FBXO42: variants seen among roughly 807,000 people sequenced by gnomAD.
FBXO42 encodes the protein F-box protein 42.
In FBXO42, 12 loss-of-function variants were observed where a neutral mutation model predicts 71.7. The ratio of observed to expected loss-of-function variants is 0.17; its 90% CI spans 0.11 to 0.27. FBXO42 has a LOEUF of 0.27. Ranked by LOEUF, FBXO42 falls within the 10% of genes least tolerant of loss-of-function variation. The pLI, the probability that FBXO42 is intolerant of heterozygous loss-of-function variation, is 1.00. For synonymous variants in FBXO42, 325 were observed against 327.5 expected (o/e 0.99, Z 0.08); for missense variants, 707 against 911.9 (o/e 0.78, Z 2.89).
At chr1:16,264,734 C>T (rs916877046) in intron 4 of FBXO42, among the ~76,000 whole-genome samples, 1 of 152,166 alleles carries the variant, frequency 6.6e-6, no homozygotes, top group African/African-American at 2.4e-5. Context: ...AGGCACAAGC[C>T]CAAAAGGCAG....
At chr1:16,334,974 C>A (rs1192091593) in intron 1 of FBXO42, among the ~76,000 whole-genome samples, 2 of 145,730 alleles carry the variant, frequency 1.4e-5, no homozygotes, top group East Asian at 2.1e-4. Context: ...CACCCGTAAT[C>A]CCAGCACTGT....
intron 1 of FBXO42, among the ~76,000 whole-genome samples, chr1:16,323,201 A>G (rs554350435): frequency 2.0e-5 from 3 of 148,514 alleles, no homozygotes; most frequent in South Asian, 2.2e-4. Context: ...GAGGAATCAC[A>G]AGGTCAGGAG....
chr1:16,287,485 C>A (rs2082034270), intron 4 of FBXO42, among the ~76,000 whole-genome samples: 1 of 152,184 alleles, frequency 6.6e-6, no homozygotes, highest in African/African-American at 2.4e-5. Context: ...TCATGTGTCC[C>A]TGGCATATAG....
intron 1 of FBXO42, among the ~76,000 whole-genome samples, chr1:16,323,661 G>A (rs1169277730): frequency 6.6e-6 from 1 of 151,614 alleles, no homozygotes; most frequent in Admixed American, 6.6e-5. Flanking sequence ...GTGGTGGTGT[G>A]CACCTGTAAT....
chr1:16,315,029 A>G, intron 2 of FBXO42, 140 bp downstream of exon 2: 1 of 868,688 alleles, frequency 1.2e-6, no homozygotes, highest in Non-Finnish European at 1.7e-6. Flanking sequence ...AGGGTAAGAA[A>G]GAAAACCGGG....
chr1:16,263,590 G>A (rs1018846204), intron 4 of FBXO42, among the ~76,000 whole-genome samples: 1 of 151,540 alleles, frequency 6.6e-6, no homozygotes, highest in Non-Finnish European at 1.5e-5. Flanking sequence ...CGGCATGGTG[G>A]TGCACACCTG....
intron 1 of FBXO42, among the ~76,000 whole-genome samples, chr1:16,350,742 G>GC (rs2082692401): frequency 3.8e-4 from 1 of 2,642 alleles, no homozygotes; most frequent in Non-Finnish European, 1.1e-3. Context: ...GTGAGAAACT[G>GC]CAAAAAAAAA....
intron 4 of FBXO42, 122 bp from the exon 5 acceptor site, chr1:16,256,881 T>C (rs1391966335): frequency 3.1e-6 from 3 of 964,186 alleles, no homozygotes; most frequent in Non-Finnish European, 4.5e-6. Context: ...CTACAAAGTG[T>C]AGAGGAAAGG....
chr1:16,318,413 G>A (rs778722720), intron 1 of FBXO42, among the ~76,000 whole-genome samples: 19 of 144,760 alleles, frequency 1.3e-4, no homozygotes, highest in Middle Eastern at 3.2e-3. Flanking sequence ...GCAAGACTCC[G>A]TCTTAAATAA....
Position 16,252,344 on chromosome 1 carries a change from T to C in FBXO42, c.982A>G (p.Lys328Glu), listed in dbSNP as rs1220404567. 3 of 1,614,054 alleles carry C rather than the reference T, an allele frequency of 1.9e-6. No individual in the cohort carries two copies. The highest frequency in any genetic ancestry group is 2.5e-6 in the Non-Finnish European group (3 of 1,180,054). Reference protein sequence around the residue: ...HSGPWAWQPLKVENEEHGAPE... With the variant: ...HSGPWAWQPLEVENEEHGAPE... Reference sequence around the variant, plus strand: ...GCCCCATGCTCTTCATTTTCTACCTTGAGTGGCTGCCAGGCCCAAGGACCA... The same window carrying C: ...GCCCCATGCTCTTCATTTTCTACCTCGAGTGGCTGCCAGGCCCAAGGACCA... Residue 328 changes from lysine (K) to glutamate (E), a missense_variant, in exon 9 of 10, where the codon AAG becomes GAG. Lys to Glu is a moderately conservative substitution (Grantham distance 56, BLOSUM62 1). Coordinates refer to ENST00000375592, the MANE Select transcript of FBXO42 (RefSeq NM_018994.3). The surrounding 1 kb of genome is among the most constrained non-coding windows in gnomAD (Gnocchi z 4.4).
Position 16,341,928 on chromosome 1 carries a change from G to A in FBXO42, c.-18+10327C>T, listed in dbSNP as rs188353462. ...GGAGGTCGCGATGAGCCAAGATCGC[G>A]TCATTGTACTCAAGCCTGGGCAACA... On this transcript the variant is annotated intron_variant, in intron 1 of 9. Coordinates refer to ENST00000375592, the MANE Select transcript of FBXO42 (RefSeq NM_018994.3). Among the ~76,000 whole-genome samples the A allele has an allele frequency of 4.4e-4, 64 of 144,108 alleles. 2 individuals are homozygous for A. The South Asian group carries it at 0.012, about 28-fold the overall frequency. 94.5% of individuals were successfully genotyped at this position (144,108 alleles called of 152,430 possible).
rs61753288 is a variant in FBXO42 at position 16,315,302 on chromosome 1, C to T, written c.117G>A (p.Glu39=). 0.01 allele frequency: 16,919 copies of T among 1,614,132 alleles called. 154 individuals carry two copies. The highest frequency in any genetic ancestry group is 0.012 in the Non-Finnish European group (13,842 of 1,180,018). The change falls in exon 2 of 10, where the codon GAG becomes GAA. Residue 39 remains glutamate (E), a synonymous_variant. Coordinates refer to ENST00000375592, the MANE Select transcript of FBXO42 (RefSeq NM_018994.3). ...DEEPHPVLEA[E]ETRHNRSMSE... ...ACATGGACCTATTATGTCTAGTCTC[C>T]TCAGCCTCCAATACTGGGTGGGGCT...
intron 1 of FBXO42, among the ~76,000 whole-genome samples, chr1:16,334,357 C>T (rs1212428456): frequency 2.2e-5 from 3 of 139,328 alleles, no homozygotes; most frequent in South Asian, 2.3e-4. Context: ...GGCGTGAACC[C>T]GGGAGGCGGA....
chr1:16,269,611 C>T (rs2081817001), intron 4 of FBXO42, among the ~76,000 whole-genome samples: 1 of 151,778 alleles, frequency 6.6e-6, no homozygotes, highest in South Asian at 2.1e-4. Flanking sequence ...CTGTAACCTC[C>T]GCCTCCCAGG....
Position 16,253,721 on chromosome 1 carries a change from C to T in FBXO42, c.778G>A (p.Val260Ile). ...SLGSRQMSND[V>I]WVLDLEQWAW... ...CACTGCTCAAGGTCAAGGACCCAGACATCATTGCTCCTGTGAATTAAGGAC... is the reference window on the plus strand; with the variant it reads ...CACTGCTCAAGGTCAAGGACCCAGATATCATTGCTCCTGTGAATTAAGGAC... The change falls in exon 7 of 10, where the codon GTC becomes ATC. Residue 260 changes from valine to isoleucine, a missense_variant. Around this residue, in one of 5 missense-constraint regions of FBXO42, gnomAD observed 482 missense variants for 587.1 expected, o/e 0.82. Coordinates refer to ENST00000375592, the MANE Select transcript of FBXO42 (RefSeq NM_018994.3). The T allele has an allele frequency of 3.1e-6, 5 of 1,614,174 alleles. No individual in the cohort carries two copies. Among genetic ancestry groups the T allele is most frequent in the Non-Finnish European group, 4.2e-6 (5 of 1,180,020 alleles).
At chr1:16,317,986 G>A (rs939042873) in intron 1 of FBXO42, among the ~76,000 whole-genome samples, 2 of 151,890 alleles carry the variant, frequency 1.3e-5, no homozygotes, top group Admixed American at 6.6e-5. Context: ...AGTTCAAAAC[G>A]AGGCAAAATT....
chr1:16,290,162 A>T (rs1030289736), intron 4 of FBXO42, among the ~76,000 whole-genome samples: 2 of 152,170 alleles, frequency 1.3e-5, no homozygotes, highest in African/African-American at 4.8e-5. Context: ...TCTACCTCCA[A>T]TACCACTCTT....
intron 4 of FBXO42, among the ~76,000 whole-genome samples, chr1:16,281,007 G>A (rs1188732561): frequency 6.6e-6 from 1 of 152,128 alleles, no homozygotes; most frequent in East Asian, 1.9e-4. Context: ...TGTTGCCCAG[G>A]CTGGAGTGCA....
At chr1:16,301,391 G>A (rs916959327) in intron 3 of FBXO42, among the ~76,000 whole-genome samples, 1 of 151,932 alleles carries the variant, frequency 6.6e-6, no homozygotes, top group East Asian at 1.9e-4. Flanking sequence ...GGCTGGGTGC[G>A]GTGGCTCACA....
Sources: allele counts gnomAD v4.1 joint callset (sites outside exome capture counted in the v4.1 genomes callset), GRCh38; gene constraint gnomAD v4.1.1; regional missense constraint gnomAD v4.1.1; non-coding constraint Gnocchi (gnomAD v3.1); transcripts MANE v1.5; gene names NCBI Gene and HGNC (gene_info 2026-07-23, HGNC 2026-07-21).